HSPA9: variants seen among roughly 807,000 people sequenced by gnomAD.
The protein encoded by HSPA9 is heat shock protein family A (Hsp70) member 9, also known as stress-70 protein, mitochondrial.
In HSPA9, 28 loss-of-function variants were observed where a neutral mutation model predicts 81.5. That is an observed-to-expected ratio of 0.34 (90% CI 0.25 to 0.47). The LOEUF is 0.47. Among genes scored for constraint, HSPA9 ranks in the 20% least tolerant of loss-of-function variants. The pLI is 1.00. For missense variants in HSPA9, 678 were observed against 838.0 expected (o/e 0.81, Z 2.36); for synonymous variants, 293 against 290.4 (o/e 1.01, Z -0.09).
At chr5:138,560,899 T>TC (rs1488694038) in intron 10 of HSPA9, 6 of 401,942 alleles carry the variant, frequency 1.5e-5, no homozygotes, top group African/African-American at 2.4e-5. Context: ...ACCTTTTTTT[T>TC]CCAGGTTCAT....
intron 9 of HSPA9, among the ~76,000 whole-genome samples, chr5:138,562,180 G>A (rs1224999169): frequency 1.9e-4 from 29 of 150,628 alleles, no homozygotes; most frequent in Admixed American, 5.3e-4. Flanking sequence ...CTCGTGATCC[G>A]CCTGCCTCAG....
chr5:138,568,702 C>T (rs1750817408), intron 5 of HSPA9, among the ~76,000 whole-genome samples: 1 of 151,884 alleles, frequency 6.6e-6, no homozygotes, highest in Admixed American at 6.5e-5. Flanking sequence ...GAACATTACC[C>T]CCTACTGGAA....
chr5:138,557,585 A>C (rs781208755), intron 13 of HSPA9, 89 bp from the exon 14 acceptor site: 121 of 837,040 alleles, frequency 1.4e-4, no homozygotes, highest in Non-Finnish European at 2.2e-4. Context: ...TCCTGCTCAT[A>C]GCAGCCAATC....
At position 138,561,544 on chromosome 5, in the gene HSPA9, C is replaced by T. The variant is rs745464214; in HGVS notation, c.1182+36G>A. Reference sequence around the variant, plus strand: ...TCCCAAGAATACACTATGCGCCAGCCCTCTCTCTCCACGACAGAATTCCAC... The same window carrying T: ...TCCCAAGAATACACTATGCGCCAGCTCTCTCTCTCCACGACAGAATTCCAC... On this transcript the variant is annotated intron_variant, in intron 10 of 16. Transcript: ENST00000297185. 3 of 1,549,226 alleles carry T rather than the reference C, an allele frequency of 1.9e-6. No homozygotes were observed. The South Asian group carries it at 3.4e-5, about 17-fold the overall frequency.
intron 1 of HSPA9, among the ~76,000 whole-genome samples, chr5:138,574,537 G>A (rs931833374): frequency 6.6e-6 from 1 of 152,176 alleles, no homozygotes; most frequent in African/African-American, 2.4e-5. Context: ...AAGAACTAGA[G>A]TTACTAAGGG....
intron 11 of HSPA9, among the ~76,000 whole-genome samples, chr5:138,559,407 A>G (rs1329524060): frequency 3.3e-5 from 5 of 152,086 alleles, no homozygotes; most frequent in Non-Finnish European, 5.9e-5. Flanking sequence ...CCAGCCAGAA[A>G]TAATTCCTAC....
intron 3 of HSPA9, among the ~76,000 whole-genome samples, chr5:138,573,217 CGG>C (rs1750948766): frequency 6.6e-6 from 1 of 151,768 alleles, no homozygotes; most frequent in Non-Finnish European, 1.5e-5. Flanking sequence ...TTAGTAGAGA[CGG>C]GGTTTCACCA....
In HSPA9 at chr5:138,555,970, G is replaced by A. The variant is rs1410602988; in HGVS notation, c.*67C>T. The A allele has an allele frequency of 7.1e-6, 8 of 1,122,300 alleles. No homozygotes were observed. Among genetic ancestry groups the A allele is most frequent in the Non-Finnish European group, 1.1e-5 (8 of 735,092 alleles). The allele number at this position is 1,122,300 out of a possible 1,614,324, so 69.5% of individuals were successfully genotyped here. On this transcript the variant is annotated 3_prime_UTR_variant, in exon 17 of 17. Coordinates refer to ENST00000297185, the MANE Select transcript of HSPA9 (RefSeq NM_004134.7). ...AAAAGACTGAAGTTCGCCCATTTCT[G>A]CTCAGGAAGTCTCTTCACTCCTAAG... is the stretch of plus-strand genomic sequence containing the variant.
chr5:138,567,282 C>G, intron 7 of HSPA9, 119 bp from the exon 8 acceptor site: 1 of 1,011,746 alleles, frequency 9.9e-7, no homozygotes, highest in Admixed American at 2.2e-5. Context: ...GAGATATGTA[C>G]TAGTTAAATT....
At chr5:138,573,348 G>A (rs1750992368) in intron 3 of HSPA9, among the ~76,000 whole-genome samples, 1 of 151,840 alleles carries the variant, frequency 6.6e-6, no homozygotes, top group Non-Finnish European at 1.5e-5. Context: ...CTATAGTTAT[G>A]TTTTTGCTGT....
chr5:138,571,617 G>T (rs998099976), intron 3 of HSPA9, among the ~76,000 whole-genome samples: 1 of 151,902 alleles, frequency 6.6e-6, no homozygotes, highest in African/African-American at 2.4e-5. Flanking sequence ...TTTAGTTAAG[G>T]TATCTTTAGC....
In HSPA9 at chr5:138,575,366, C is replaced by A. The variant is rs1473697346; in HGVS notation, c.-48G>T. ...AGGCAGCAAACAAGCGCTCCGACGGCAAAGAGCTGCGCGATGCGGTGGCGG... is the reference window on the plus strand; with the variant it reads ...AGGCAGCAAACAAGCGCTCCGACGGAAAAGAGCTGCGCGATGCGGTGGCGG... On this transcript the variant is annotated 5_prime_UTR_variant, in exon 1 of 17. Coordinates refer to ENST00000297185, the MANE Select transcript of HSPA9 (RefSeq NM_004134.7). The A allele has an allele frequency of 6.1e-6, 9 of 1,479,874 alleles. No individual in the cohort carries two copies. Among genetic ancestry groups the A allele is most frequent in the Admixed American group, 1.7e-5 (1 of 57,700 alleles). The allele number at this position is 1,479,874 out of a possible 1,614,324, so 91.7% of individuals were successfully genotyped here. A position where few individuals can be genotyped will look rare whatever the true frequency, so the allele number is the denominator to read the frequency against.
In HSPA9 at chr5:138,566,959, CAAT is replaced by C. The variant is rs1214561237; in HGVS notation, c.879+39_879+41del. ...AGAGCAATCTGAACAAAGAATTTCT[CAAT>C]ATCCCAACGTCTACATATTAACCAC... On this transcript the variant is annotated intron_variant, in intron 8 of 16. Transcript: ENST00000297185. 6 of 1,594,054 alleles carry C rather than the reference CAAT, an allele frequency of 3.8e-6. No homozygotes were observed. The African/African-American group carries it at 6.7e-5, about 18-fold the overall frequency.
At chr5:138,561,821 G>A (rs768329489) in intron 9 of HSPA9, 32 bp from the exon 10 acceptor site, 141 of 1,503,484 alleles carry the variant, frequency 9.4e-5, no homozygotes, top group Non-Finnish European at 1.1e-4. Context: ...GCATGTCAGC[G>A]AGCAGGCCAA....
chr5:138,568,914 A>C lies in HSPA9; in HGVS notation c.535+11T>G. 2 of 1,613,598 alleles carry C rather than the reference A, an allele frequency of 1.2e-6. No individual in the cohort carries two copies. The highest frequency in any genetic ancestry group is 8.5e-7 in the Non-Finnish European group (1 of 1,179,636). On this transcript the variant is annotated intron_variant, in intron 5 of 16. Transcript: ENST00000297185. ...TTAGAACTTTCCCAGATGTGAACTA[A>C]ACCCACTCACCTGCAGTCTCTTTCA...
chr5:138,570,266 G>C (rs1750849885), intron 4 of HSPA9, among the ~76,000 whole-genome samples: 2 of 152,078 alleles, frequency 1.3e-5, no homozygotes, highest in African/African-American at 4.8e-5. Flanking sequence ...GTTGAGTCCA[G>C]GAGTTCAACA....
chr5:138,574,996 G>C, intron 1 of HSPA9: 1 of 591,324 alleles, frequency 1.7e-6, no homozygotes. Context: ...ACCACTACCT[G>C]GTAATTTTGA....
chr5:138,556,229 C>T (rs1750517424), intron 16 of HSPA9, 115 bp from the exon 17 acceptor site: 1 of 1,045,028 alleles, frequency 9.6e-7, no homozygotes, highest in South Asian at 1.3e-5. Context: ...ATTTCTATTC[C>T]ACTCCCCCTC....
intron 9 of HSPA9, among the ~76,000 whole-genome samples, chr5:138,563,582 C>T (rs771909618): frequency 8.5e-5 from 13 of 152,206 alleles, no homozygotes; most frequent in Non-Finnish European, 1.6e-4. Flanking sequence ...CTCCACTCTA[C>T]TCCAGCCAAA....
Sources: allele counts gnomAD v4.1 joint callset (sites outside exome capture counted in the v4.1 genomes callset), GRCh38; gene constraint gnomAD v4.1.1; transcripts MANE v1.5; gene names NCBI Gene and HGNC (gene_info 2026-07-23, HGNC 2026-07-21).